KDM7A: variants seen among roughly 807,000 people sequenced by gnomAD.
The protein encoded by KDM7A is lysine-specific demethylase 7A.
A neutral mutation model predicts 114.8 loss-of-function variants in KDM7A; 28 were observed. That is an observed-to-expected ratio of 0.24 (90% confidence interval 0.18 to 0.33). The LOEUF is 0.33. Among genes scored for constraint, KDM7A ranks in the 10% least tolerant of loss-of-function variants. The pLI is 1.00. For synonymous variants in KDM7A, 423 were observed against 397.8 expected (o/e 1.06, Z -0.75); for missense variants, 942 against 1,142.5 (o/e 0.82, Z 2.53).
intron 7 of KDM7A, 63 bp downstream of exon 7, chr7:140,124,558 G>C (rs1782841076): frequency 2.4e-6 from 3 of 1,274,176 alleles, no homozygotes; most frequent in Non-Finnish European, 3.2e-6. Flanking sequence ...AGAGGTTCTA[G>C]TTAAAAGCCA....
rs7798714 is a variant in KDM7A, at chr7:140,115,018, C to A, written c.1247-1436G>T. 4.3e-3 allele frequency among the ~76,000 whole-genome samples: 654 copies of A among 152,116 alleles called. 8 individuals are homozygous for A. Among genetic ancestry groups the A allele is most frequent in the African/African-American group, 0.015 (606 of 41,498 alleles). ...AGTGAGGAGCGTCTCTGCCCGGCAGCCGCCCCGTCCAGGAGGTTGGGGGCA... is the reference window on the plus strand; with the variant it reads ...AGTGAGGAGCGTCTCTGCCCGGCAGACGCCCCGTCCAGGAGGTTGGGGGCA... On this transcript the variant is annotated intron_variant, in intron 9 of 19. Coordinates refer to ENST00000397560, the MANE Select transcript of KDM7A (RefSeq NM_030647.2).
In KDM7A at chr7:140,087,592, T is replaced by C. The variant is rs543784935; in HGVS notation, c.*3502A>G. The stretch of plus-strand genomic sequence containing the variant: ...TGAAGTGTTAAGAGATTTTCTTAAT[T>C]GATTATCATAATAAACACTTTAATC... On this transcript the variant is annotated 3_prime_UTR_variant, in exon 20 of 20. Coordinates refer to ENST00000397560, the MANE Select transcript of KDM7A (RefSeq NM_030647.2). 8 of 152,100 alleles carry C rather than the reference T, an allele frequency of 5.3e-5. No homozygotes were observed. The highest frequency in any genetic ancestry group is 1.9e-4 in the African/African-American group (8 of 41,358). 9.4% of individuals were successfully genotyped at this position (152,100 alleles called of 1,614,324 possible). A position where few individuals can be genotyped will look rare whatever the true frequency, so the allele number is the denominator to read the frequency against.
At chr7:140,152,591 A>C (rs1361025239) in intron 1 of KDM7A, among the ~76,000 whole-genome samples, 3 of 150,852 alleles carry the variant, frequency 2.0e-5, no homozygotes, top group Non-Finnish European at 3.0e-5. Context: ...ATCCCACTGC[A>C]CTCCAGCCTG....
intron 1 of KDM7A, among the ~76,000 whole-genome samples, chr7:140,144,411 G>A (rs1014772871): frequency 6.6e-6 from 1 of 152,176 alleles, no homozygotes; most frequent in African/African-American, 2.4e-5. Context: ...AATAAAGCAT[G>A]AGTAAGTCTT....
rs995699373 is a variant in KDM7A at position 140,132,195 on chromosome 7, C to T, written c.398+1344G>A. ...AGCATGTGTAATTTAATAATTACTG[C>T]TATTCTACTATGGTTTGAAATGATG... On this transcript the variant is annotated intron_variant, in intron 3 of 19. Transcript: ENST00000397560. 3.5e-4 allele frequency among the ~76,000 whole-genome samples: 54 copies of T among 152,140 alleles called. 1 individual carries two copies. Among genetic ancestry groups the T allele is most frequent in the African/African-American group, 2.4e-4 (10 of 41,428 alleles).
chr7:140,109,515 G>C (rs1818399045), intron 11 of KDM7A, among the ~76,000 whole-genome samples: 1 of 152,070 alleles, frequency 6.6e-6, no homozygotes. Context: ...CTATCTTTTG[G>C]CTATTGTGGA....
intron 17 of KDM7A, among the ~76,000 whole-genome samples, chr7:140,096,177 G>T (rs984394144): frequency 3.3e-5 from 5 of 152,084 alleles, no homozygotes; most frequent in Admixed American, 2.0e-4. Context: ...GAAAGAAACA[G>T]TTTAAAACTT....
Position 140,169,436 on chromosome 7 carries a change from C to T in KDM7A, c.194+7308G>A, listed in dbSNP as rs10253696. ...ATCTTCAAAAATAAAAGCATTCCTC[C>T]CCTTGGATGATCAGAAAACTCGATT... On this transcript the variant is annotated intron_variant, in intron 1 of 19. Coordinates refer to ENST00000397560, the MANE Select transcript of KDM7A (RefSeq NM_030647.2). Among the ~76,000 whole-genome samples, 464 of 152,236 alleles carry T rather than the reference C, an allele frequency of 3.0e-3. 4 individuals are homozygous for T. The highest frequency in any genetic ancestry group is 0.011 in the African/African-American group (437 of 41,550).
intron 1 of KDM7A, among the ~76,000 whole-genome samples, chr7:140,159,093 C>G (rs1794489994): frequency 6.6e-6 from 1 of 152,162 alleles, no homozygotes. Flanking sequence ...TACCTGTAAT[C>G]CCACACTTGG....
rs1165832174 is a variant in KDM7A, at chr7:140,128,741, ATATAG to A, written c.559+747_559+751del. Among the ~76,000 whole-genome samples the A allele has an allele frequency of 2.6e-5, 4 of 152,234 alleles. No homozygotes were observed. The East Asian group carries it at 7.7e-4, about 29-fold the overall frequency. ...TCAGATATTCCATGCTGAGGAGATA[ATATAG>A]TAAATATACAATTTTGAGTCAAAAT... is the stretch of plus-strand genomic sequence containing the variant. On this transcript the variant is annotated intron_variant, in intron 4 of 19. Coordinates refer to ENST00000397560, the MANE Select transcript of KDM7A (RefSeq NM_030647.2).
At chr7:140,103,361 C>T (rs146866950) in intron 11 of KDM7A, among the ~76,000 whole-genome samples, 1,584 of 151,708 alleles carry the variant, frequency 0.01, 23 homozygotes, top group African/African-American at 0.037. Context: ...ATGTGCACAA[C>T]GTGCAGATTT....
At chr7:140,136,754 C>T (rs1818876949) in intron 2 of KDM7A, among the ~76,000 whole-genome samples, 1 of 152,164 alleles carries the variant, frequency 6.6e-6, no homozygotes, top group Admixed American at 6.5e-5. Context: ...TGGCTCACGC[C>T]TGTAATCTCA....
At chr7:140,168,400 T>C (rs907908282) in intron 1 of KDM7A, among the ~76,000 whole-genome samples, 1 of 151,974 alleles carries the variant, frequency 6.6e-6, no homozygotes, top group Non-Finnish European at 1.5e-5. Context: ...ACTCTGTTTC[T>C]ACAAAAAAAA....
chr7:140,176,959 T>C lies in KDM7A; in HGVS notation c.-22A>G, dbSNP rs1281814393. ...CCATCTTTAAAAAACACACACACGCTCGCTCGCTACTCCGCTCGCCGACTG... is the reference window on the plus strand; with the variant it reads ...CCATCTTTAAAAAACACACACACGCCCGCTCGCTACTCCGCTCGCCGACTG... On this transcript the variant is annotated 5_prime_UTR_variant, in exon 1 of 20. Transcript: ENST00000397560. The surrounding 1 kb of genome is among the most constrained non-coding windows in gnomAD (Gnocchi z 4.4). The C allele has an allele frequency of 2.7e-6, 3 of 1,116,002 alleles. No individual in the cohort carries two copies. The highest frequency in any genetic ancestry group is 1.7e-5 in the African/African-American group (1 of 59,244). 69.1% of individuals were successfully genotyped at this position (1,116,002 alleles called of 1,614,324 possible).
chr7:140,111,035 T>C (rs939968899), intron 11 of KDM7A, 60 bp downstream of exon 11: 5 of 894,090 alleles, frequency 5.6e-6, no homozygotes, highest in Admixed American at 3.7e-5. Flanking sequence ...GTGGAATAGA[T>C]CCATTTGCTT....
At chr7:140,175,906 G>A (rs1418364273) in intron 1 of KDM7A, among the ~76,000 whole-genome samples, 3 of 152,140 alleles carry the variant, frequency 2.0e-5, no homozygotes, top group Non-Finnish European at 2.9e-5. Flanking sequence ...TTAAGCCGCG[G>A]CGCGAGGGCA....
chr7:140,091,773 T>A (rs571457266), intron 19 of KDM7A, 31 bp downstream of exon 19: 2 of 1,605,942 alleles, frequency 1.2e-6, no homozygotes, highest in Admixed American at 3.5e-5. Flanking sequence ...CAGTCAGAAA[T>A]ATACTTTCTC....
In KDM7A at chr7:140,119,208, A is replaced by G. The variant is rs1250406052; in HGVS notation, c.1151T>C (p.Met384Thr). The change falls in exon 9 of 20, where the codon ATG becomes ACG. Residue 384 changes from methionine to threonine, a missense_variant. Coordinates refer to ENST00000397560, the MANE Select transcript of KDM7A (RefSeq NM_030647.2). The part of the protein sequence containing the change: ...NIGMQLRCYE[M>T]EKRLKTPDLF... ...ATCTGGTGTTTTTAGCCTTTTCTCCATCTCATAACACCTAAATGAGTTTGA... is the reference window on the plus strand; with the variant it reads ...ATCTGGTGTTTTTAGCCTTTTCTCCGTCTCATAACACCTAAATGAGTTTGA... 5 of 1,590,346 alleles carry G rather than the reference A, an allele frequency of 3.1e-6. No homozygotes were observed. Among genetic ancestry groups the G allele is most frequent in the Non-Finnish European group, 4.3e-6 (5 of 1,161,126 alleles).
chr7:140,110,352 G>A (rs13241668), intron 11 of KDM7A, among the ~76,000 whole-genome samples: 63,232 of 151,812 alleles, frequency 0.42, 13,410 homozygotes, highest in Middle Eastern at 0.47. Context: ...AAAACAGAAC[G>A]TATTTTTCTC....
Sources: gnomAD v4.1 joint callset for allele counts (sites outside exome capture counted in the v4.1 genomes callset) on GRCh38, gnomAD v4.1.1 for gene constraint, Gnocchi (gnomAD v3.1) non-coding constraint, MANE v1.5 for transcripts, NCBI Gene and HGNC (gene_info 2026-07-23, HGNC 2026-07-21) for gene names.